The following ALDH18A1 variants were observed in gnomAD, a reference collection of about 807,000 sequenced individuals.
ALDH18A1 encodes the protein delta-1-pyrroline-5-carboxylate synthase.
A neutral mutation model predicts 88.8 loss-of-function variants in ALDH18A1; 44 were observed. The ratio of observed to expected loss-of-function variants is 0.50; its 90% CI spans 0.39 to 0.64. ALDH18A1 has a LOEUF of 0.64. ALDH18A1 is among the 30% of genes least tolerant of loss of function. ALDH18A1 has a pLI of 0.00. For missense variants in ALDH18A1, 782 were observed against 1,009.5 expected (o/e 0.77, Z 3.05); for synonymous variants, 331 against 372.1 (o/e 0.89, Z 1.27).
Position 95,606,174 on chromosome 10 carries a change from T to C in ALDH18A1, c.*588A>G, listed in dbSNP as rs143925574. 1.1e-6 allele frequency: 1 copy of C among 882,630 alleles called. No homozygotes were observed. The highest frequency in any genetic ancestry group is 1.2e-4 in the East Asian group (1 of 8,460). The allele number at this position is 882,630 out of a possible 1,614,324, so 54.7% of individuals were successfully genotyped here. On this transcript the variant is annotated 3_prime_UTR_variant, in exon 18 of 18. Coordinates refer to ENST00000371224, the MANE Select transcript of ALDH18A1 (RefSeq NM_002860.4). Reference sequence around the variant, plus strand: ...CACGGGGAACACAGCATCTCCTGGATGCAGGAAGCTGCAAGCATCTGGAAT... The same window carrying C: ...CACGGGGAACACAGCATCTCCTGGACGCAGGAAGCTGCAAGCATCTGGAAT...
chr10:95,627,408 C>T (rs756278493), intron 9 of ALDH18A1, 34 bp downstream of exon 9: 2 of 1,613,562 alleles, frequency 1.2e-6, no homozygotes, highest in Non-Finnish European at 1.7e-6. Context: ...TAGTTCCCAT[C>T]ACAGGCCTTG....
At chr10:95,608,870 G>GT (rs1170335553) in intron 17 of ALDH18A1, among the ~76,000 whole-genome samples, 3 of 152,096 alleles carry the variant, frequency 2.0e-5, no homozygotes, top group East Asian at 1.9e-4. Context: ...ATTATTGGAG[G>GT]TTTTTTGTCT....
At chr10:95,626,939 A>C (rs2097861274) in intron 9 of ALDH18A1, among the ~76,000 whole-genome samples, 163 bp from the exon 10 acceptor site, 1 of 152,234 alleles carries the variant, frequency 6.6e-6, no homozygotes, top group South Asian at 2.1e-4. Flanking sequence ...CACCATGACC[A>C]ATAAAATAGC....
rs145945312 is a variant in ALDH18A1 at position 95,607,878 on chromosome 10, C to T, written c.2207-935G>A. Among the ~76,000 whole-genome samples the T allele has an allele frequency of 5.3e-5, 8 of 152,182 alleles. No individual in the cohort carries two copies. In the East Asian group the frequency reaches 7.7e-4, roughly 15 times the overall value. On this transcript the variant is annotated intron_variant, in intron 17 of 17. Coordinates refer to ENST00000371224, the MANE Select transcript of ALDH18A1 (RefSeq NM_002860.4). ...CTGCAGGCAGAGAGAAGAGCAAGTA[C>T]GAGACACAGTAGGGGCGGGATGTGC... is the stretch of plus-strand genomic sequence containing the variant.
chr10:95,648,769 C>T (rs1451157869), intron 2 of ALDH18A1, among the ~76,000 whole-genome samples: 1 of 152,176 alleles, frequency 6.6e-6, no homozygotes, highest in Non-Finnish European at 1.5e-5. Flanking sequence ...CCAGCAGAGG[C>T]CCCTTCATCC....
intron 17 of ALDH18A1, among the ~76,000 whole-genome samples, chr10:95,609,708 T>C (rs1459106535): frequency 1.3e-5 from 2 of 151,202 alleles, no homozygotes; most frequent in Non-Finnish European, 2.9e-5. Context: ...TTCCACCAAC[T>C]CATGGGAGGT....
At chr10:95,621,354 C>CT in intron 11 of ALDH18A1, 103 bp from the exon 12 acceptor site, 1 of 1,079,142 alleles carries the variant, frequency 9.3e-7, no homozygotes, top group Admixed American at 2.1e-5. Context: ...GGGTCTCACT[C>CT]TGACGCCCAG....
chr10:95,619,464 G>T (rs111698492), intron 12 of ALDH18A1, among the ~76,000 whole-genome samples: 1 of 152,152 alleles, frequency 6.6e-6, no homozygotes, highest in Non-Finnish European at 1.5e-5. Context: ...AACCAAAAAA[G>T]AGCCCGCATT....
intron 10 of ALDH18A1, 146 bp downstream of exon 10, chr10:95,626,557 G>T: frequency 1.3e-6 from 1 of 753,702 alleles, no homozygotes; most frequent in Non-Finnish European, 2.2e-6. Context: ...AAGAAAAAAG[G>T]CAGAGCAAAT....
chr10:95,611,411 G>C lies in ALDH18A1; in HGVS notation c.1955C>G (p.Ser652Cys), dbSNP rs746442782. The change falls in exon 16 of 18, where the codon TCC (serine) becomes TGC (cysteine). Residue 652 changes from serine (S) to cysteine (C), a missense_variant. By Grantham distance (112) the Ser-to-Cys change is moderately radical. This residue lies in a region of ALDH18A1 where 556 missense variants were observed against 654.5 expected (regional missense o/e 0.85). Transcript: ENST00000371224. ...VKIHAGPKFA[S>C]YLTFSPSEVK... Reference sequence around the variant, plus strand: ...TTCGGAGGGGCTGAAGGTCAGATAGGAGGCAAATTTGGGGCCTGCATGAAT... The same window carrying C: ...TTCGGAGGGGCTGAAGGTCAGATAGCAGGCAAATTTGGGGCCTGCATGAAT... 7 of 1,614,108 alleles carry C rather than the reference G, an allele frequency of 4.3e-6. No homozygotes were observed. In the South Asian group the frequency reaches 6.6e-5, roughly 15 times the overall value.
Position 95,621,107 on chromosome 10 carries a change from A to G in ALDH18A1, c.1391T>C (p.Leu464Ser). The change falls in exon 12 of 18, where the codon TTG (leucine) becomes TCG (serine). Residue 464 changes from leucine (L) to serine (S), a missense_variant. By Grantham distance (145) the Leu-to-Ser change is moderately radical (BLOSUM62 -2). This residue lies in a region of ALDH18A1 where 556 missense variants were observed against 654.5 expected (regional missense o/e 0.85). Coordinates refer to ENST00000371224, the MANE Select transcript of ALDH18A1 (RefSeq NM_002860.4). ...TGGGACAGTCACTTGTTCCAGTTCC[A>G]AGTTTTTGGCGATTCGGGTGCGGCG... is the stretch of plus-strand genomic sequence containing the variant. ...VLRRTRIAKNLELEQVTVPIG... is the reference protein window; with the variant it reads ...VLRRTRIAKNSELEQVTVPIG... 6.2e-7 allele frequency: 1 copy of G among 1,614,066 alleles called. No homozygotes were observed.
At chr10:95,610,324 GATGAT>G (rs2097831503) in intron 16 of ALDH18A1, 32 bp from the exon 17 acceptor site, 11 of 1,603,992 alleles carry the variant, frequency 6.9e-6, no homozygotes, top group African/African-American at 1.3e-5. Flanking sequence ...ACCAAGTTAG[GATGAT>G]ACCCAGAGAA....
At chr10:95,633,127 C>CTCAGGCAAAACCAAGCTAGGA in intron 6 of ALDH18A1, 78 bp from the exon 7 acceptor site, 1 of 1,373,912 alleles carries the variant, frequency 7.3e-7, no homozygotes, top group South Asian at 1.2e-5. Context: ...CACAGCCAAG[C>CTCAGGCAAAACCAAGCTAGGA]TCAGGCAAAA....
chr10:95,627,635 C>T, intron 8 of ALDH18A1, 49 bp from the exon 9 acceptor site: 1 of 1,607,398 alleles, frequency 6.2e-7, no homozygotes, highest in Non-Finnish European at 8.5e-7. Context: ...GACCTATTCA[C>T]CCACATTTTA....
chr10:95,607,860 CAG>C (rs1357553664), intron 17 of ALDH18A1, among the ~76,000 whole-genome samples: 1 of 152,012 alleles, frequency 6.6e-6, no homozygotes, highest in African/African-American at 2.4e-5. Flanking sequence ...GTGCTGCAGG[CAG>C]AGAGAAGAGC....
chr10:95,633,636 T>C lies in ALDH18A1; in HGVS notation c.572A>G (p.Asn191Ser), dbSNP rs747052164. 1.2e-6 allele frequency: 2 copies of C among 1,613,928 alleles called. No homozygotes were observed. The highest frequency in any genetic ancestry group is 2.2e-5 in the East Asian group (1 of 44,874). The change falls in exon 6 of 18, where the codon AAT (asparagine) becomes AGT (serine). Residue 191 changes from asparagine (N) to serine (S), a missense_variant. By Grantham distance (46) the Asn-to-Ser change is conservative. Transcript: ENST00000371224. The part of the protein sequence containing the change: ...SICAAQILVT[N>S]LDFHDEQKRR... ...CTTCTGCTCATCATGGAAATCCAAA[T>C]TGGTCACCAAAATCTAAAAGGATTA...
chr10:95,639,087 T>C (rs1354048400), intron 3 of ALDH18A1, among the ~76,000 whole-genome samples: 1 of 152,126 alleles, frequency 6.6e-6, no homozygotes, highest in Non-Finnish European at 1.5e-5. Flanking sequence ...CACAGAAAGT[T>C]TCAGCTGGCT....
At chr10:95,646,355 G>C (rs1428471876) in intron 2 of ALDH18A1, among the ~76,000 whole-genome samples, 1 of 152,146 alleles carries the variant, frequency 6.6e-6, no homozygotes, top group Non-Finnish European at 1.5e-5. Flanking sequence ...AGAAGAGGGT[G>C]GGTCGCATGG....
rs182426669 is a variant in ALDH18A1 at position 95,629,451 on chromosome 10, A to G, written c.809-959T>C. On this transcript the variant is annotated intron_variant, in intron 7 of 17. Coordinates refer to ENST00000371224, the MANE Select transcript of ALDH18A1 (RefSeq NM_002860.4). ...CAGGGAAGTGAGGAAATCAATGCCC[A>G]TTGTAGAGCAAAGCAGTGGCAACTA... 3.4e-3 allele frequency among the ~76,000 whole-genome samples: 515 copies of G among 152,328 alleles called. 3 individuals carry two copies. The highest frequency in any genetic ancestry group is 5.9e-3 in the Non-Finnish European group (404 of 68,026).
Sources: gnomAD v4.1 joint callset for allele counts (sites outside exome capture counted in the v4.1 genomes callset) on GRCh38, gnomAD v4.1.1 for gene constraint, gnomAD v4.1.1 regional missense constraint, MANE v1.5 for transcripts, NCBI Gene and HGNC (gene_info 2026-07-23, HGNC 2026-07-21) for gene names.